JPT1: variants seen among roughly 807,000 people sequenced by gnomAD.
JPT1 encodes the protein Jupiter microtubule associated homolog 1.
Under a neutral mutation model 17.0 loss-of-function variants are expected in JPT1, and 5 were observed. That is an observed-to-expected ratio of 0.29 (90% CI 0.15 to 0.62). JPT1 has a LOEUF of 0.62. JPT1 is among the 20% of genes least tolerant of loss of function. The probability of loss-of-function intolerance (pLI) is 0.85; values close to 1 mark genes in which losing one functional copy is unlikely to be tolerated. For synonymous variants in JPT1, 71 were observed against 73.6 expected, an observed-to-expected ratio of 0.96 and a Z score of 0.18; for missense variants, 158 against 188.1, an observed-to-expected ratio of 0.84 and a Z score of 0.94.
intron 2 of JPT1, 83 bp from the exon 3 acceptor site, chr17:75,147,736 T>C (rs2074467475): frequency 2.7e-6 from 3 of 1,096,676 alleles, no homozygotes; most frequent in South Asian, 1.3e-5. Flanking sequence ...CGGTGGCTCA[T>C]GCCTGTAATC....
At chr17:75,140,300 G>T (rs1455688649) in intron 4 of JPT1, among the ~76,000 whole-genome samples, 5 of 151,892 alleles carry the variant, frequency 3.3e-5, no homozygotes, top group African/African-American at 1.2e-4. Context: ...GGCTTTAAAT[G>T]AAATTATTTC....
intron 4 of JPT1, chr17:75,142,825 T>A (rs2074352762): frequency 2.2e-6 from 1 of 455,334 alleles, no homozygotes; most frequent in Non-Finnish European, 4.4e-6. Context: ...ACATACATCT[T>A]CGGTCCAATG....
chr17:75,147,711 A>C, intron 2 of JPT1, 58 bp from the exon 3 acceptor site: 1 of 1,397,074 alleles, frequency 7.2e-7, no homozygotes, highest in Non-Finnish European at 1.0e-6. Flanking sequence ...AAAGCAAAAC[A>C]CTTCAGGCTG....
At position 75,154,440 on chromosome 17, in the gene JPT1, C is replaced by G; in HGVS notation, c.-43G>C. On this transcript the variant is annotated 5_prime_UTR_variant, in exon 1 of 5. Transcript: ENST00000409753. ...TAGGCTGGCGCCGGAGCAGAACGCT[C>G]AAAGGGTCGGACCCGAGGGGCGCTG... 1 of 1,537,394 alleles carries G rather than the reference C, an allele frequency of 6.5e-7. No individual in the cohort carries two copies. The highest frequency in any genetic ancestry group is 8.8e-7 in the Non-Finnish European group (1 of 1,139,124).
chr17:75,139,441 C>A (rs993737242), intron 4 of JPT1, among the ~76,000 whole-genome samples: 4 of 151,912 alleles, frequency 2.6e-5, no homozygotes, highest in African/African-American at 9.7e-5. Context: ...TTGTTTTTCA[C>A]AAATACATAA....
At position 75,146,212 on chromosome 17, in the gene JPT1, G is replaced by A. The variant is rs77645007; in HGVS notation, c.316+454C>T. Among the ~76,000 whole-genome samples the A allele has an allele frequency of 2.7e-3, 406 of 152,192 alleles. 13 individuals are homozygous for A. In the East Asian group the frequency reaches 0.068, roughly 26 times the overall value. On this transcript the variant is annotated intron_variant, in intron 4 of 4. Coordinates refer to ENST00000409753, the MANE Select transcript of JPT1 (RefSeq NM_016185.4). ...TCTGTCACCCAGACTGGAGTATAAC[G>A]GTGTGATCTCTGCTCACTGCAACCT...
intron 4 of JPT1, among the ~76,000 whole-genome samples, chr17:75,141,919 A>C (rs901658142): frequency 6.6e-6 from 1 of 151,712 alleles, no homozygotes; most frequent in Non-Finnish European, 1.5e-5. Context: ...AAGTAAAAAA[A>C]ATAGCCAGCT....
At chr17:75,153,761 C>T (rs1302316372) in intron 1 of JPT1, 1 of 151,984 alleles carries the variant, frequency 6.6e-6, no homozygotes, top group African/African-American at 2.4e-5. Context: ...CGCTCGACCA[C>T]ACATGCACCT....
rs948970763 is a variant in JPT1 at position 75,154,483 on chromosome 17, C to A, written c.-86G>T. On this transcript the variant is annotated 5_prime_UTR_variant, in exon 1 of 5. Transcript: ENST00000409753. ...GGGCGCTGGGAAACTCCACACCCAA[C>A]AGCCGACCACCGCTGCAGGAGCCGC... 2.3e-5 allele frequency: 29 copies of A among 1,285,940 alleles called. No individual in the cohort carries two copies. The highest frequency in any genetic ancestry group is 2.0e-4 in the South Asian group (15 of 76,160). The allele number at this position is 1,285,940 out of a possible 1,614,324, so 79.7% of individuals were successfully genotyped here.
At chr17:75,146,621 A>G (rs2145184194) in intron 4 of JPT1, 45 bp downstream of exon 4, 1 of 1,440,642 alleles carries the variant, frequency 6.9e-7, no homozygotes, top group Non-Finnish European at 9.6e-7. Context: ...GATCTGTCCT[A>G]AAACCATGGA....
At chr17:75,153,221 AAAG>A (rs2074581141) in intron 1 of JPT1, 1 of 152,170 alleles carries the variant, frequency 6.6e-6, no homozygotes. Flanking sequence ...AACCCACCTT[AAAG>A]AACAGTGTGC....
intron 1 of JPT1, chr17:75,154,110 C>T (rs2074596569): frequency 4.0e-6 from 1 of 251,716 alleles, no homozygotes; most frequent in African/African-American, 2.3e-5. Context: ...TCCTCAGCCC[C>T]TGACTCCGTG....
At chr17:75,143,807 G>A (rs2074371923) in intron 4 of JPT1, among the ~76,000 whole-genome samples, 1 of 152,146 alleles carries the variant, frequency 6.6e-6, no homozygotes, top group Admixed American at 6.6e-5. Flanking sequence ...CTGCACTCCA[G>A]CCTGGGTGAC....
chr17:75,149,929 T>C (rs2074515793), intron 1 of JPT1, among the ~76,000 whole-genome samples: 1 of 151,974 alleles, frequency 6.6e-6, no homozygotes, highest in Non-Finnish European at 1.5e-5. Flanking sequence ...GAGCTGATAA[T>C]AGTCTCTTCT....
intron 1 of JPT1, among the ~76,000 whole-genome samples, chr17:75,152,465 TAGAG>T (rs1161452365): frequency 1.3e-5 from 2 of 152,092 alleles, no homozygotes; most frequent in Non-Finnish European, 2.9e-5. Flanking sequence ...AAAGGGAAGG[TAGAG>T]AGACAATAAA....
At chr17:75,144,823 C>T (rs774079419) in intron 4 of JPT1, among the ~76,000 whole-genome samples, 137 of 152,068 alleles carry the variant, frequency 9.0e-4, no homozygotes, top group Admixed American at 1.7e-3. Flanking sequence ...GGGAGAAACC[C>T]CCCATATTTG....
intron 4 of JPT1, 141 bp downstream of exon 4, chr17:75,146,525 C>G: frequency 1.6e-6 from 1 of 607,398 alleles, no homozygotes; most frequent in Non-Finnish European, 3.0e-6. Context: ...GCGTTACTGG[C>G]AGATTAGAGT....
chr17:75,136,268 A>T lies in JPT1; in HGVS notation c.317-18T>A. On this transcript the variant is annotated intron_variant, in intron 4 of 4. Coordinates refer to ENST00000409753, the MANE Select transcript of JPT1 (RefSeq NM_016185.4). ...CACATTTTCTATGAAAACAGGGAAT[A>T]GAAATAATACTCATAATGACAGCCA... The T allele has an allele frequency of 6.4e-7, 1 of 1,562,132 alleles. No individual in the cohort carries two copies.
Position 75,154,112 on chromosome 17 carries a change from G to A in JPT1, c.56+230C>T, listed in dbSNP as rs571030056. 2.4e-5 allele frequency: 6 copies of A among 252,846 alleles called. No individual in the cohort carries two copies. The Admixed American group carries it at 3.3e-4, about 14-fold the overall frequency. 15.7% of individuals were successfully genotyped at this position (252,846 alleles called of 1,614,324 possible). On this transcript the variant is annotated intron_variant, in intron 1 of 4. Transcript: ENST00000409753. ...ACCAGCCCCGGCCTCCTCAGCCCCT[G>A]ACTCCGTGGAAGGAATGAATGGAGA...
Sources: gnomAD v4.1 joint callset for allele counts (sites outside exome capture counted in the v4.1 genomes callset) on GRCh38, gnomAD v4.1.1 for gene constraint, MANE v1.5 for transcripts, NCBI Gene and HGNC (gene_info 2026-07-23, HGNC 2026-07-21) for gene names.